Variants in LRP1B observed in about 807,000 individuals in gnomAD.
The protein encoded by LRP1B is low-density lipoprotein receptor-related protein 1B.
A neutral mutation model predicts 556.6 loss-of-function variants in LRP1B; 217 were observed. The ratio of observed to expected loss-of-function variants is 0.39; its 90% CI spans 0.35 to 0.44. The LOEUF (loss-of-function observed/expected upper bound fraction) is 0.44, where lower values mean the gene tolerates loss of function less well. LRP1B is among the 20% of genes least tolerant of loss of function. LRP1B has a pLI of 1.00. For missense variants in LRP1B, 5,053 were observed against 5,620.8 expected (o/e 0.90, Z 3.23); for synonymous variants, 2,047 against 1,865.8 (o/e 1.10, Z -2.50).
chr2:140,947,571 G>A (rs1695581967), intron 20 of LRP1B, among the ~76,000 whole-genome samples: 1 of 152,190 alleles, frequency 6.6e-6, no homozygotes, highest in African/African-American at 2.4e-5. Flanking sequence ...AATTCTGCAC[G>A]TGCAAATGAC....
chr2:140,238,739 T>G (rs145126241), intron 88 of LRP1B, among the ~76,000 whole-genome samples: 17 of 150,982 alleles, frequency 1.1e-4, no homozygotes, highest in African/African-American at 3.9e-4. Context: ...GTGGTTATAT[T>G]GCATAGTGTT....
intron 17 of LRP1B, among the ~76,000 whole-genome samples, chr2:140,985,983 TTTTTA>T (rs1696910571): frequency 6.6e-6 from 1 of 151,812 alleles, no homozygotes; most frequent in African/African-American, 2.4e-5. Context: ...TTTTAATTTG[TTTTTA>T]TTTTTTTAAT....
At chr2:140,496,591 CAT>C (rs1688952854) in intron 55 of LRP1B, among the ~76,000 whole-genome samples, 1 of 152,068 alleles carries the variant, frequency 6.6e-6, no homozygotes, top group African/African-American at 2.4e-5. Flanking sequence ...TATGTCAACT[CAT>C]AGGCTACAAA....
intron 21 of LRP1B, among the ~76,000 whole-genome samples, chr2:140,920,767 T>G (rs1694714617): frequency 1.3e-5 from 2 of 152,014 alleles, no homozygotes; most frequent in Admixed American, 1.3e-4. Flanking sequence ...TTTTTCCTTT[T>G]AAAGTGAAAC....
chr2:141,261,070 G>C (rs1226371532), intron 3 of LRP1B, among the ~76,000 whole-genome samples: 1 of 152,102 alleles, frequency 6.6e-6, no homozygotes, highest in Non-Finnish European at 1.5e-5. Context: ...ATGCCAGACA[G>C]CTCCTCTTGT....
intron 1 of LRP1B, among the ~76,000 whole-genome samples, chr2:141,926,081 T>C (rs1017853520): frequency 1.3e-5 from 2 of 152,222 alleles, no homozygotes; most frequent in African/African-American, 2.4e-5. Flanking sequence ...GTCATCTTGA[T>C]ATACAAAATA....
intron 2 of LRP1B, among the ~76,000 whole-genome samples, chr2:141,506,300 T>C (rs1195312998): frequency 6.6e-6 from 1 of 152,152 alleles, no homozygotes; most frequent in African/African-American, 2.4e-5. Context: ...GAAGTTTTAA[T>C]TTAATTAGTG....
chr2:141,056,806 C>A (rs2105458965), intron 9 of LRP1B, among the ~76,000 whole-genome samples: 1 of 151,980 alleles, frequency 6.6e-6, no homozygotes, highest in Middle Eastern at 3.4e-3. Context: ...CCCCCTTCAA[C>A]TCCAGAGTTG....
At chr2:140,303,011 TCATA>T (rs1683899241) in intron 83 of LRP1B, among the ~76,000 whole-genome samples, 2 of 58,698 alleles carry the variant, frequency 3.4e-5, no homozygotes, top group South Asian at 7.4e-4. Context: ...TAAATCTCCT[TCATA>T]TATATATATA....
At chr2:141,945,096 C>G (rs1700916114) in intron 1 of LRP1B, among the ~76,000 whole-genome samples, 1 of 152,060 alleles carries the variant, frequency 6.6e-6, no homozygotes, top group African/African-American at 2.4e-5. Flanking sequence ...GTTGTTAGAT[C>G]AAAACATGAG....
chr2:141,362,053 T>C (rs978595781), intron 3 of LRP1B, among the ~76,000 whole-genome samples: 4 of 152,220 alleles, frequency 2.6e-5, no homozygotes, highest in Non-Finnish European at 1.5e-5. Flanking sequence ...AAGCCAAATA[T>C]ATTTCCTATT....
intron 6 of LRP1B, among the ~76,000 whole-genome samples, chr2:141,191,412 A>G (rs1294435919): frequency 6.6e-6 from 1 of 151,894 alleles, no homozygotes; most frequent in Non-Finnish European, 1.5e-5. Flanking sequence ...CCTCAGTAAC[A>G]TGCTGCTTCT....
At chr2:141,773,295 T>G (rs1694959336) in intron 2 of LRP1B, among the ~76,000 whole-genome samples, 1 of 152,202 alleles carries the variant, frequency 6.6e-6, no homozygotes, top group Non-Finnish European at 1.5e-5. Flanking sequence ...TTTAAAAATT[T>G]AACTTGTTAA....
At chr2:140,769,182 A>G in intron 35 of LRP1B, 31 bp downstream of exon 35, 2 of 1,592,316 alleles carry the variant, frequency 1.3e-6, no homozygotes, top group Non-Finnish European at 1.7e-6. Flanking sequence ...TGAATATATT[A>G]TGCATAAATT....
rs114239417 is a variant in LRP1B at position 140,644,011 on chromosome 2, C to T, written c.6800-42372G>A. On this transcript the variant is annotated intron_variant, in intron 41 of 90. Transcript: ENST00000389484. ...TTAGTAGAGTGCATTGAATCTTGAACATCTCAGCAACTTTTTCTCGTTACT... is the reference window on the plus strand; with the variant it reads ...TTAGTAGAGTGCATTGAATCTTGAATATCTCAGCAACTTTTTCTCGTTACT... Among the ~76,000 whole-genome samples the T allele has an allele frequency of 1.3e-3, 193 of 152,292 alleles. 1 individual carries two copies. The highest frequency in any genetic ancestry group is 4.4e-3 in the African/African-American group (184 of 41,562).
At chr2:141,860,384 TA>T (rs1698198498) in intron 1 of LRP1B, among the ~76,000 whole-genome samples, 1 of 152,172 alleles carries the variant, frequency 6.6e-6, no homozygotes, top group African/African-American at 2.4e-5. Context: ...ATCTTGGCTG[TA>T]AAAATTCAAA....
At chr2:141,163,544 C>T (rs2105118810) in intron 7 of LRP1B, among the ~76,000 whole-genome samples, 1 of 152,128 alleles carries the variant, frequency 6.6e-6, no homozygotes, top group African/African-American at 2.4e-5. Context: ...CAAATCTCAT[C>T]TTGAATTGTA....
At chr2:141,583,373 A>G (rs1687019607) in intron 2 of LRP1B, among the ~76,000 whole-genome samples, 1 of 152,182 alleles carries the variant, frequency 6.6e-6, no homozygotes, top group South Asian at 2.1e-4. Context: ...TACTAAACAC[A>G]GAATAAGATG....
At position 140,884,487 on chromosome 2, in the gene LRP1B, T is replaced by C. The variant is rs189611748; in HGVS notation, c.3965-466A>G. On this transcript the variant is annotated intron_variant, in intron 24 of 90. Transcript: ENST00000389484. ...TTCTGGCTAATCAGCACTCACTCTT[T>C]TTCTCTTTTTAGAAGGATAACAGAT... 6.6e-3 allele frequency among the ~76,000 whole-genome samples: 1,004 copies of C among 152,268 alleles called. 8 individuals are homozygous for C. The highest frequency in any genetic ancestry group is 0.023 in the African/African-American group (973 of 41,554).
Sources: gnomAD v4.1 joint callset for allele counts (sites outside exome capture counted in the v4.1 genomes callset) on GRCh38, gnomAD v4.1.1 for gene constraint, MANE v1.5 for transcripts, NCBI Gene and HGNC (gene_info 2026-07-23, HGNC 2026-07-21) for gene names.